The following SPTAN1 variants were observed in gnomAD, a reference collection of about 807,000 sequenced individuals.
SPTAN1 encodes spectrin alpha, non-erythrocytic 1.
Under a neutral mutation model 331.3 loss-of-function variants are expected in SPTAN1, and 61 were observed. The ratio of observed to expected loss-of-function variants is 0.18; its 90% CI spans 0.15 to 0.23. The LOEUF (loss-of-function observed/expected upper bound fraction) is 0.23, where lower values mean the gene tolerates loss of function less well. Ranked by LOEUF, SPTAN1 falls within the 10% of genes least tolerant of loss-of-function variation. The pLI, the probability that SPTAN1 is intolerant of heterozygous loss-of-function variation, is 1.00. For synonymous variants in SPTAN1, 1,153 were observed against 1,173.9 expected (o/e 0.98, Z 0.36); for missense variants, 2,043 against 3,147.9 (o/e 0.65, Z 8.40).
chr9:128,619,742 G>C lies in SPTAN1; in HGVS notation c.5733+739G>C, dbSNP rs531021078. On this transcript the variant is annotated intron_variant, in intron 44 of 56. Transcript: ENST00000372739. ...AGAAGTTAGGACTTCACCATCTCTT[G>C]AGGGGGACACAGTTCAGCCCATCAC... is the stretch of plus-strand genomic sequence containing the variant. Among the ~76,000 whole-genome samples the C allele has an allele frequency of 2.0e-5, 3 of 152,310 alleles. No homozygotes were observed. In the South Asian group the frequency reaches 6.2e-4, roughly 32 times the overall value.
At chr9:128,589,822 G>A (rs144365799) in intron 21 of SPTAN1, among the ~76,000 whole-genome samples, 63 of 146,858 alleles carry the variant, frequency 4.3e-4, no homozygotes, top group East Asian at 3.1e-3. Flanking sequence ...TGATCCACCC[G>A]CCTCAGCCTC....
chr9:128,611,592 C>T (rs1020093115), intron 37 of SPTAN1, 122 bp from the exon 38 acceptor site: 30 of 1,114,482 alleles, frequency 2.7e-5, no homozygotes, highest in African/African-American at 1.9e-4. Flanking sequence ...CTGTTAAAAA[C>T]GTTGGCATTT....
chr9:128,573,150 C>T (rs1850922188), intron 3 of SPTAN1, among the ~76,000 whole-genome samples: 1 of 152,152 alleles, frequency 6.6e-6, no homozygotes, highest in Non-Finnish European at 1.5e-5. Context: ...TACAGAAACT[C>T]CCAGTATCTT....
chr9:128,605,006 T>C (rs747039864), intron 29 of SPTAN1, 28 bp from the exon 30 acceptor site: 1 of 1,613,830 alleles, frequency 6.2e-7, no homozygotes, highest in East Asian at 2.2e-5. Flanking sequence ...ACTTGGCATT[T>C]CTTAACCTGA....
rs987035063 is a variant in SPTAN1, at chr9:128,577,810, T to G, written c.1086-300T>G. Among the ~76,000 whole-genome samples the G allele has an allele frequency of 1.3e-5, 2 of 152,160 alleles. No homozygotes were observed. Among genetic ancestry groups the G allele is most frequent in the African/African-American group, 4.8e-5 (2 of 41,440 alleles). On this transcript the variant is annotated intron_variant, in intron 8 of 56. Transcript: ENST00000372739. The surrounding 1 kb of genome is among the most constrained non-coding windows in gnomAD (Gnocchi z 4.2). ...TGAAATATCTTATTAAAACCAGGAT[T>G]AGAAAGGAAAAGAATCCTTGCTAGC...
rs1255489029 is a variant in SPTAN1 at position 128,629,386 on chromosome 9, G to GT, written c.6708-934dup. ...TTCCCCGGGGGGACATGGCGTGACT[G>GT]TGAGTCTGACCTGCTGGGGTAGGAG... On this transcript the variant is annotated intron_variant, in intron 51 of 56. Transcript: ENST00000372739. The surrounding 1 kb of genome is among the most constrained non-coding windows in gnomAD (Gnocchi z 4.9). Among the ~76,000 whole-genome samples, 1 of 151,978 alleles carries GT rather than the reference G, an allele frequency of 6.6e-6. No individual in the cohort carries two copies. Among genetic ancestry groups the GT allele is most frequent in the East Asian group, 1.9e-4 (1 of 5,138 alleles).
intron 1 of SPTAN1, among the ~76,000 whole-genome samples, chr9:128,562,446 G>A (rs1223333047): frequency 6.6e-6 from 1 of 152,144 alleles, no homozygotes; most frequent in African/African-American, 2.4e-5. Context: ...TGGGAGAGGA[G>A]AGTGCACTCC....
chr9:128,573,393 C>T (rs764436806), intron 3 of SPTAN1, among the ~76,000 whole-genome samples: 4 of 152,186 alleles, frequency 2.6e-5, no homozygotes, highest in Admixed American at 6.5e-5. Flanking sequence ...ACAGAAGGTC[C>T]AAAGTTTTTT....
At chr9:128,604,220 A>G in intron 28 of SPTAN1, 106 bp from the exon 29 acceptor site, 1 of 1,147,022 alleles carries the variant, frequency 8.7e-7, no homozygotes, top group Non-Finnish European at 1.3e-6. Flanking sequence ...ACAGGAAATT[A>G]TATATGCCCT....
intron 22 of SPTAN1, 103 bp from the exon 23 acceptor site, chr9:128,592,880 T>C: frequency 1.9e-6 from 2 of 1,079,576 alleles, no homozygotes; most frequent in East Asian, 2.6e-5. Flanking sequence ...TTTCCCAACA[T>C]TAAGCATCCA....
intron 44 of SPTAN1, 131 bp downstream of exon 44, chr9:128,619,134 C>CA: frequency 7.3e-7 from 1 of 1,372,746 alleles, no homozygotes; most frequent in Non-Finnish European, 1.0e-6. Context: ...GCCAAGGCCT[C>CA]AGTAGTTGGT....
intron 43 of SPTAN1, 130 bp downstream of exon 43, chr9:128,618,238 T>G: frequency 7.1e-7 from 1 of 1,416,344 alleles, no homozygotes; most frequent in Non-Finnish European, 9.7e-7. Context: ...TGTGCCATAG[T>G]CGGTTTGCTC....
At position 128,630,326 on chromosome 9, in the gene SPTAN1, G is replaced by A. The variant is rs1248069611; in HGVS notation, c.6713G>A (p.Cys2238Tyr). The A allele has an allele frequency of 1.2e-6, 2 of 1,613,572 alleles. No individual in the cohort carries two copies. The highest frequency in any genetic ancestry group is 1.7e-6 in the Non-Finnish European group (2 of 1,179,990). ...ETRTYLLDGS[C>Y]MVEESGTLES... ...CACTGTCCTTCCACGTTTAGGTCCT[G>A]TATGGTGGAAGAGTCGGGGACCCTC... is the stretch of plus-strand genomic sequence containing the variant. The change falls in exon 52 of 57, where the codon TGT becomes TAT. Residue 2238 changes from cysteine to tyrosine, a missense_variant. Cys to Tyr is a radical substitution (Grantham distance 194). Coordinates refer to ENST00000372739, the MANE Select transcript of SPTAN1 (RefSeq NM_001130438.3).
Position 128,632,955 on chromosome 9 carries a change from G to A in SPTAN1, c.7308G>A (p.Gln2436=). The A allele has an allele frequency of 6.2e-7, 1 of 1,611,898 alleles. No homozygotes were observed. Among genetic ancestry groups the A allele is most frequent in the Non-Finnish European group, 8.5e-7 (1 of 1,180,030 alleles). Residue 2436 remains glutamine (Q), a splice_region_variant and synonymous_variant, in exon 56 of 57, where the codon CAG becomes CAA. Coordinates refer to ENST00000372739, the MANE Select transcript of SPTAN1 (RefSeq NM_001130438.3). Reference sequence around the variant, plus strand: ...ACGTGACCAAGGAGGAGCTCTACCAGGTATGGGCCTCAGGAGGTGGGTGAA... The same window carrying A: ...ACGTGACCAAGGAGGAGCTCTACCAAGTATGGGCCTCAGGAGGTGGGTGAA... ...KPYVTKEELY[Q]NLTREQADYC...
intron 21 of SPTAN1, among the ~76,000 whole-genome samples, chr9:128,590,392 G>A (rs1186744274): frequency 1.3e-5 from 2 of 151,982 alleles, no homozygotes; most frequent in Non-Finnish European, 2.9e-5. Context: ...ACAACTGGGT[G>A]TTTTATTTAA....
chr9:128,608,796 T>C, intron 34 of SPTAN1, 78 bp from the exon 35 acceptor site: 2 of 1,382,144 alleles, frequency 1.4e-6, no homozygotes, highest in Non-Finnish European at 2.1e-6. Context: ...AAAATAACTA[T>C]CCTTTTCTCA....
intron 31 of SPTAN1, 126 bp from the exon 32 acceptor site, chr9:128,607,478 T>C: frequency 1.2e-6 from 1 of 847,006 alleles, no homozygotes; most frequent in Non-Finnish European, 2.0e-6. Context: ...CTAGCCTCAT[T>C]CAGTAGATCA....
At chr9:128,559,026 C>T (rs1338142115) in intron 1 of SPTAN1, among the ~76,000 whole-genome samples, 1 of 152,062 alleles carries the variant, frequency 6.6e-6, no homozygotes. Flanking sequence ...TTTTTGGTGT[C>T]TCCTGTAATT....
intron 3 of SPTAN1, among the ~76,000 whole-genome samples, chr9:128,571,614 A>T (rs1850741270): frequency 6.6e-6 from 1 of 152,192 alleles, no homozygotes; most frequent in Non-Finnish European, 1.5e-5. Flanking sequence ...AATAAAATTT[A>T]AAAAACCTAT....
Sources: gnomAD v4.1 joint callset for allele counts (sites outside exome capture counted in the v4.1 genomes callset) on GRCh38, gnomAD v4.1.1 for gene constraint, Gnocchi (gnomAD v3.1) non-coding constraint, MANE v1.5 for transcripts, NCBI Gene and HGNC (gene_info 2026-07-23, HGNC 2026-07-21) for gene names.